The following CD302 variants were observed in gnomAD, a reference collection of about 807,000 sequenced individuals.
CD302 encodes CD302 molecule, also known as CD302 antigen.
Under a neutral mutation model 26.5 loss-of-function variants are expected in CD302, and 23 were observed. The observed-to-expected ratio is 0.87, with a 90% CI of 0.62 to 1.23. The LOEUF (loss-of-function observed/expected upper bound fraction) is 1.23, where lower values mean the gene tolerates loss of function less well. Ranked by LOEUF, CD302 falls within the 50% of genes most tolerant of loss-of-function variation. CD302 has a pLI of 0.00. For synonymous variants in CD302, 90 were observed against 99.4 expected, an observed-to-expected ratio of 0.91 and a Z score of 0.56; for missense variants, 290 against 275.5, an observed-to-expected ratio of 1.05 and a Z score of -0.37.
chr2:159,798,155 C>T lies in CD302; in HGVS notation c.44G>A (p.Gly15Asp). The T allele has an allele frequency of 6.7e-7, 1 of 1,484,668 alleles. No individual in the cohort carries two copies. 92.0% of individuals were successfully genotyped at this position (1,484,668 alleles called of 1,614,324 possible). A position where few individuals can be genotyped will look rare whatever the true frequency, so the allele number is the denominator to read the frequency against. ...ALPALLLPLL[G>D]LAAAAVADCP... ...ACCCGCGACGGCAGCAGCGGCGAGG[C>T]CCAGCAACGGCAGCAGGAGCGCGGG... The change falls in exon 1 of 6, where the codon GGC becomes GAC. Residue 15 changes from glycine (G) to aspartate (D), a missense_variant. Gly to Asp is a moderately conservative substitution (Grantham distance 94). Transcript: ENST00000259053.
At chr2:159,779,733 A>G (rs752315874) in intron 4 of CD302, among the ~76,000 whole-genome samples, 18 of 151,526 alleles carry the variant, frequency 1.2e-4, no homozygotes, top group Admixed American at 2.6e-4. Flanking sequence ...GCTCCCATGT[A>G]TTTCGGACCG....
At chr2:159,793,081 A>C (rs751476217) in intron 1 of CD302, among the ~76,000 whole-genome samples, 2 of 152,202 alleles carry the variant, frequency 1.3e-5, no homozygotes, top group Non-Finnish European at 2.9e-5. Context: ...TCTTTGCCAT[A>C]ATCCTAATAT....
In CD302 at chr2:159,798,184, C is replaced by A; in HGVS notation, c.15G>T (p.Ala5=). The A allele has an allele frequency of 6.8e-7, 1 of 1,476,354 alleles. No individual in the cohort carries two copies. 91.5% of individuals were successfully genotyped at this position (1,476,354 alleles called of 1,614,324 possible). Residue 5 remains alanine, a synonymous_variant, in exon 1 of 6, where the codon GCG becomes GCT. Coordinates refer to ENST00000259053, the MANE Select transcript of CD302 (RefSeq NM_014880.5). MLRA[A]LPALLLPLLG... ...GCAACGGCAGCAGGAGCGCGGGCAG[C>A]GCGGCCCGGAGCATGACGGCGGGTG... is the stretch of plus-strand genomic sequence containing the variant.
chr2:159,790,871 A>G (rs1708788766), intron 1 of CD302, among the ~76,000 whole-genome samples: 1 of 152,248 alleles, frequency 6.6e-6, no homozygotes, highest in African/African-American at 2.4e-5. Context: ...TTAATTTTTG[A>G]AACACCATTT....
intron 4 of CD302, 31 bp from the exon 5 acceptor site, chr2:159,777,995 T>C (rs762613237): frequency 3.4e-6 from 3 of 879,614 alleles, no homozygotes; most frequent in Non-Finnish European, 4.9e-6. Context: ...AAAATTAGAA[T>C]TTAATTATGC....
chr2:159,773,454 G>C (rs1374513117), intron 5 of CD302, among the ~76,000 whole-genome samples: 1 of 152,128 alleles, frequency 6.6e-6, no homozygotes, highest in Non-Finnish European at 1.5e-5. Flanking sequence ...CTTTAAATAG[G>C]AATTACATGA....
chr2:159,780,247 G>A (rs1034616569), intron 3 of CD302, 69 bp from the exon 4 acceptor site: 13 of 1,536,472 alleles, frequency 8.5e-6, no homozygotes, highest in Non-Finnish European at 1.1e-5. Flanking sequence ...AAGGGTGTAG[G>A]ATTAAAGGTG....
At chr2:159,786,847 G>T (rs543220329) in intron 1 of CD302, among the ~76,000 whole-genome samples, 5 of 151,916 alleles carry the variant, frequency 3.3e-5, no homozygotes, top group Non-Finnish European at 7.4e-5. Flanking sequence ...AATTATCAGA[G>T]GAATGAGGAA....
intron 5 of CD302, among the ~76,000 whole-genome samples, chr2:159,776,961 A>G (rs1708352136): frequency 6.6e-6 from 1 of 152,220 alleles, no homozygotes; most frequent in African/African-American, 2.4e-5. Flanking sequence ...GGCAACTCAA[A>G]AAAAATATGG....
At chr2:159,772,158 T>C in intron 5 of CD302, 105 bp from the exon 6 acceptor site, 1 of 1,334,524 alleles carries the variant, frequency 7.5e-7, no homozygotes, top group Non-Finnish European at 1.0e-6. Flanking sequence ...TTCTCTGTGT[T>C]GAGAATTTCC....
intron 2 of CD302, 79 bp from the exon 3 acceptor site, chr2:159,781,077 T>C: frequency 8.8e-7 from 1 of 1,140,266 alleles, no homozygotes; most frequent in East Asian, 2.5e-5. Context: ...AAATAATAAA[T>C]AGTTGCTTAA....
chr2:159,793,977 T>C (rs1400387602), intron 1 of CD302, among the ~76,000 whole-genome samples: 1 of 151,688 alleles, frequency 6.6e-6, no homozygotes, highest in Non-Finnish European at 1.5e-5. Context: ...AAATCTAAAA[T>C]AGGCCAGGCG....
At chr2:159,783,662 G>T (rs971421384) in intron 1 of CD302, among the ~76,000 whole-genome samples, 193 bp from the exon 2 acceptor site, 2 of 152,142 alleles carry the variant, frequency 1.3e-5, no homozygotes, top group Non-Finnish European at 2.9e-5. Context: ...TACGGGAAAA[G>T]AGAAATGTGC....
At position 159,780,927 on chromosome 2, in the gene CD302, T is replaced by C. The variant is rs757101109; in HGVS notation, c.250A>G (p.Lys84Glu). Residue 84 changes from lysine to glutamate, a missense_variant, in exon 3 of 6, where the codon AAA becomes GAA. By Grantham distance (56) the Lys-to-Glu change is moderately conservative. Transcript: ENST00000259053. ...CCTAGTAGGATATCATCTGGGCCTT[T>C]CCATTGCTTTTTCAAAGTATCCAGT... Reference protein sequence around the residue: ...FILDTLKKQWKGPDDILLGMF... With the variant: ...FILDTLKKQWEGPDDILLGMF... 7 of 1,613,820 alleles carry C rather than the reference T, an allele frequency of 4.3e-6. No homozygotes were observed. Among genetic ancestry groups the C allele is most frequent in the East Asian group, 2.2e-5 (1 of 44,858 alleles).
In CD302 at chr2:159,783,517, T is replaced by A. The variant is rs767281050; in HGVS notation, c.68-48A>T. The A allele has an allele frequency of 2.0e-5, 28 of 1,428,106 alleles. No homozygotes were observed. In the South Asian group the frequency reaches 2.6e-4, roughly 13 times the overall value. The allele number at this position is 1,428,106 out of a possible 1,614,324, so 88.5% of individuals were successfully genotyped here. A position where few individuals can be genotyped will look rare whatever the true frequency, so the allele number is the denominator to read the frequency against. On this transcript the variant is annotated intron_variant, in intron 1 of 5. Transcript: ENST00000259053. ...CTGTTAAATAACTTGAGAAAAAGAA[T>A]TACATGAATTCCCAAAGATAAGGAT... is the stretch of plus-strand genomic sequence containing the variant.
Position 159,770,168 on chromosome 2 carries a change from T to G in CD302, c.*1683A>C, listed in dbSNP as rs552014407. ...TGTAGTTCTTCAAGGAGTGGTACAATTTGGGTAGGAAAACCAGGCAGGAAT... is the reference window on the plus strand; with the variant it reads ...TGTAGTTCTTCAAGGAGTGGTACAAGTTGGGTAGGAAAACCAGGCAGGAAT... On this transcript the variant is annotated 3_prime_UTR_variant, in exon 6 of 6. Coordinates refer to ENST00000259053, the MANE Select transcript of CD302 (RefSeq NM_014880.5). The G allele has an allele frequency of 2.2e-4, 33 of 152,270 alleles. 1 individual carries two copies. Among genetic ancestry groups the G allele is most frequent in the African/African-American group, 7.5e-4 (31 of 41,568 alleles). The allele number at this position is 152,270 out of a possible 1,614,324, so 9.4% of individuals were successfully genotyped here. A position where few individuals can be genotyped will look rare whatever the true frequency, so the allele number is the denominator to read the frequency against.
rs575300179 is a variant in CD302 at position 159,784,056 on chromosome 2, C to T, written c.68-587G>A. Among the ~76,000 whole-genome samples, 10 of 152,354 alleles carry T rather than the reference C, an allele frequency of 6.6e-5. No homozygotes were observed. In the South Asian group the frequency reaches 2.1e-3, roughly 32 times the overall value. On this transcript the variant is annotated intron_variant, in intron 1 of 5. Transcript: ENST00000259053. ...ATGAAATAGAACCATAACTCTTCCT[C>T]TACTGCTCTAAAGGGACATCTCCTT...
At chr2:159,781,211 TTATG>T (rs968484634) in intron 2 of CD302, among the ~76,000 whole-genome samples, 25 of 152,202 alleles carry the variant, frequency 1.6e-4, no homozygotes, top group African/African-American at 5.1e-4. Context: ...GAAATTATGT[TTATG>T]TCTCAGTATA....
intron 1 of CD302, among the ~76,000 whole-genome samples, chr2:159,784,594 G>A (rs977953573): frequency 1.8e-4 from 28 of 151,874 alleles, no homozygotes; most frequent in African/African-American, 5.8e-4. Context: ...AAGCACAAGC[G>A]ATCCACCCGC....
Sources: allele counts gnomAD v4.1 joint callset (sites outside exome capture counted in the v4.1 genomes callset), GRCh38; gene constraint gnomAD v4.1.1; transcripts MANE v1.5; gene names NCBI Gene and HGNC (gene_info 2026-07-23, HGNC 2026-07-21).